Variants in PLXNA4 observed in about 807,000 individuals in gnomAD.
PLXNA4 encodes the protein plexin-A4.
A neutral mutation model predicts 191.8 loss-of-function variants in PLXNA4; 44 were observed. The observed-to-expected ratio is 0.23, with a 90% CI of 0.18 to 0.29. The LOEUF is 0.29. Among genes scored for constraint, PLXNA4 ranks in the 10% least tolerant of loss-of-function variants. The probability of loss-of-function intolerance (pLI) is 1.00; values close to 1 mark genes in which losing one functional copy is unlikely to be tolerated. For missense variants in PLXNA4, 1,800 were observed against 2,488.8 expected (o/e 0.72, Z 5.89); for synonymous variants, 1,082 against 1,009.5 (o/e 1.07, Z -1.36).
intron 3 of PLXNA4, among the ~76,000 whole-genome samples, chr7:132,428,705 CG>C (rs1297595768): frequency 2.4e-4 from 37 of 152,104 alleles, no homozygotes; most frequent in African/African-American, 8.7e-4. Flanking sequence ...CTCCATCAGA[CG>C]GCCAAGCTCT....
intron 9 of PLXNA4, among the ~76,000 whole-genome samples, chr7:132,220,865 T>G (rs1352275543): frequency 6.9e-6 from 1 of 144,540 alleles, no homozygotes; most frequent in African/African-American, 2.6e-5. Flanking sequence ...CAGGCTAGAG[T>G]GTAGTGGCTT....
At chr7:132,237,894 A>C (rs1197996323) in intron 5 of PLXNA4, among the ~76,000 whole-genome samples, 1 of 152,164 alleles carries the variant, frequency 6.6e-6, no homozygotes, top group East Asian at 1.9e-4. Flanking sequence ...GCAGTGAAAA[A>C]TTTGAGTGAT....
chr7:132,210,910 T>C (rs1448380293), intron 10 of PLXNA4, 33 bp downstream of exon 10: 12 of 1,598,450 alleles, frequency 7.5e-6, no homozygotes, highest in Non-Finnish European at 9.4e-6. Flanking sequence ...GACTGGGGCC[T>C]GGTTTGGCAG....
At chr7:132,219,820 G>C (rs1798085773) in intron 9 of PLXNA4, among the ~76,000 whole-genome samples, 1 of 152,116 alleles carries the variant, frequency 6.6e-6, no homozygotes, top group Non-Finnish European at 1.5e-5. Flanking sequence ...GTTCAGATGT[G>C]TTTAGATACC....
At chr7:132,288,062 A>G (rs888415777) in intron 4 of PLXNA4, among the ~76,000 whole-genome samples, 1 of 152,092 alleles carries the variant, frequency 6.6e-6, no homozygotes, top group Non-Finnish European at 1.5e-5. Context: ...AGGGCTCCCC[A>G]TTCCTCGTTG....
At chr7:132,553,290 C>G (rs1227940512) in intron 1 of PLXNA4, among the ~76,000 whole-genome samples, 10 of 152,170 alleles carry the variant, frequency 6.6e-5, no homozygotes, top group African/African-American at 2.4e-4. Flanking sequence ...TGGCAGGAGG[C>G]AGCTCTCAGC....
At position 132,305,918 on chromosome 7, in the gene PLXNA4, G is replaced by A. The variant is rs73723773; in HGVS notation, c.1372-7696C>T. On this transcript the variant is annotated intron_variant, in intron 3 of 31. Transcript: ENST00000321063. ...TCTACACCTTCGAGATTTGGGAGCT[G>A]GGCCCAGGTATAAGAATGCAAGGGT... is the stretch of plus-strand genomic sequence containing the variant. Among the ~76,000 whole-genome samples the A allele has an allele frequency of 8.3e-3, 1,261 of 152,254 alleles. 12 individuals are homozygous for A. Among genetic ancestry groups the A allele is most frequent in the African/African-American group, 0.029 (1,196 of 41,546 alleles).
intron 2 of PLXNA4, among the ~76,000 whole-genome samples, chr7:132,505,543 C>T (rs1217607283): frequency 6.6e-6 from 1 of 152,200 alleles, no homozygotes; most frequent in Non-Finnish European, 1.5e-5. Flanking sequence ...CATATGTGTG[C>T]ATGCTCGTGG....
rs548139692 is a variant in PLXNA4 at position 132,237,732 on chromosome 7, G to A, written c.1604+3334C>T. On this transcript the variant is annotated intron_variant, in intron 5 of 31. Coordinates refer to ENST00000321063, the MANE Select transcript of PLXNA4 (RefSeq NM_020911.2). ...ATATCAATCACCTCTTTTTATCCTC[G>A]TGCCATCACTGTGAGAAGGTACCGT... is the stretch of plus-strand genomic sequence containing the variant. Among the ~76,000 whole-genome samples, 46 of 152,264 alleles carry A rather than the reference G, an allele frequency of 3.0e-4. No individual in the cohort carries two copies. In the East Asian group the frequency reaches 4.4e-3, roughly 15 times the overall value.
chr7:132,197,648 G>T (rs1020471346), intron 13 of PLXNA4, among the ~76,000 whole-genome samples: 6 of 152,140 alleles, frequency 3.9e-5, no homozygotes, highest in Non-Finnish European at 5.9e-5. Context: ...CATCTGATCT[G>T]CTGTGAGCAT....
At chr7:132,174,557 C>T (rs1312624582) in intron 21 of PLXNA4, among the ~76,000 whole-genome samples, 1 of 152,194 alleles carries the variant, frequency 6.6e-6, no homozygotes, top group South Asian at 2.1e-4. Flanking sequence ...CTCCATGATC[C>T]TCCAAGACCT....
intron 2 of PLXNA4, among the ~76,000 whole-genome samples, chr7:132,502,106 C>T (rs1798279714): frequency 6.6e-6 from 1 of 152,232 alleles, no homozygotes; most frequent in African/African-American, 2.4e-5. Context: ...AAGCCAGGCC[C>T]CAGAGCCTGG....
At chr7:132,253,057 A>C (rs764457487) in intron 4 of PLXNA4, among the ~76,000 whole-genome samples, 1 of 152,202 alleles carries the variant, frequency 6.6e-6, no homozygotes. Flanking sequence ...AGAGAGTTAC[A>C]TATTTGCTAA....
intron 2 of PLXNA4, among the ~76,000 whole-genome samples, chr7:132,492,703 A>G (rs916497499): frequency 6.6e-6 from 1 of 152,050 alleles, no homozygotes; most frequent in African/African-American, 2.4e-5. Flanking sequence ...AAATCACAGG[A>G]CTTGGGTTCA....
intron 3 of PLXNA4, among the ~76,000 whole-genome samples, chr7:132,483,282 A>G (rs1371100495): frequency 3.3e-5 from 5 of 152,158 alleles, no homozygotes; most frequent in Admixed American, 6.5e-5. Context: ...CTTCACTGGT[A>G]TTGACATCAA....
At chr7:132,393,388 G>C (rs912737897) in intron 3 of PLXNA4, among the ~76,000 whole-genome samples, 2 of 152,088 alleles carry the variant, frequency 1.3e-5, no homozygotes, top group Non-Finnish European at 2.9e-5. Flanking sequence ...CCATGATCCA[G>C]AGAGGCTGTA....
intron 14 of PLXNA4, among the ~76,000 whole-genome samples, chr7:132,193,770 T>C (rs1036329725): frequency 7.9e-5 from 12 of 152,168 alleles, no homozygotes; most frequent in Admixed American, 3.3e-4. Flanking sequence ...CTTGCCTACC[T>C]ACCATGCCAC....
intron 4 of PLXNA4, among the ~76,000 whole-genome samples, chr7:132,263,395 C>G (rs1042502516): frequency 6.6e-6 from 1 of 152,226 alleles, no homozygotes; most frequent in Non-Finnish European, 1.5e-5. Context: ...GGCACCCCAT[C>G]AGAGCAGGCT....
chr7:132,390,099 T>G (rs1805337179), intron 3 of PLXNA4, among the ~76,000 whole-genome samples: 1 of 152,148 alleles, frequency 6.6e-6, no homozygotes, highest in African/African-American at 2.4e-5. Context: ...ATAATTCTAC[T>G]ATAAAGACAC....
Sources: allele counts gnomAD v4.1 joint callset (sites outside exome capture counted in the v4.1 genomes callset), GRCh38; gene constraint gnomAD v4.1.1; transcripts MANE v1.5; gene names NCBI Gene and HGNC (gene_info 2026-07-23, HGNC 2026-07-21).